Variants in MAGI1 observed in about 807,000 individuals in gnomAD.
MAGI1 encodes the protein membrane-associated guanylate kinase, WW and PDZ domain-containing protein 1.
A neutral mutation model predicts 139.9 loss-of-function variants in MAGI1; 58 were observed. The observed-to-expected ratio is 0.41, with a 90% confidence interval of 0.34 to 0.52. MAGI1 has a LOEUF of 0.52. MAGI1 is among the 20% of genes least tolerant of loss of function. MAGI1 has a pLI of 0.12. For missense variants in MAGI1, 1,874 were observed against 1,901.6 expected (o/e 0.99, Z 0.27); for synonymous variants, 812 against 737.9 (o/e 1.10, Z -1.63).
chr3:65,487,116 C>T (rs892548058), intron 3 of MAGI1, among the ~76,000 whole-genome samples: 4 of 152,280 alleles, frequency 2.6e-5, no homozygotes, highest in Admixed American at 6.5e-5. Flanking sequence ...GGGTGTTCCG[C>T]GTTTTTATTT....
intron 1 of MAGI1, among the ~76,000 whole-genome samples, chr3:65,857,153 A>C (rs951790258): frequency 7.2e-5 from 11 of 152,154 alleles, no homozygotes; most frequent in African/African-American, 2.7e-4. Context: ...TCTTAAGGTC[A>C]GTTGCCAGAG....
chr3:65,828,431 A>G (rs896773177), intron 1 of MAGI1, among the ~76,000 whole-genome samples: 1 of 152,212 alleles, frequency 6.6e-6, no homozygotes, highest in Non-Finnish European at 1.5e-5. Flanking sequence ...TCTCCAGGGT[A>G]GTATATCTCA....
Position 65,661,161 on chromosome 3 carries a change from A to G in MAGI1, c.314-39073T>C, listed in dbSNP as rs1162040627. ...TGCTCACAGGATGGTGTATAACTAG[A>G]TTAATTGTGAGTATATGTCCCCTGG... is the stretch of plus-strand genomic sequence containing the variant. On this transcript the variant is annotated intron_variant, in intron 1 of 22. Transcript: ENST00000402939. Among the ~76,000 whole-genome samples, 30 of 152,144 alleles carry G rather than the reference A, an allele frequency of 2.0e-4. 1 individual carries two copies.
chr3:65,359,002 C>A, intron 22 of MAGI1: 3 of 1,426,016 alleles, frequency 2.1e-6, no homozygotes, highest in Non-Finnish European at 3.0e-6. Context: ...CAGAGCTAAG[C>A]AGAAGCAATG....
At chr3:65,808,793 T>G (rs754860497) in intron 1 of MAGI1, among the ~76,000 whole-genome samples, 1 of 152,168 alleles carries the variant, frequency 6.6e-6, no homozygotes, top group Non-Finnish European at 1.5e-5. Context: ...AGGACCTACA[T>G]GGGTCTCAGC....
intron 1 of MAGI1, among the ~76,000 whole-genome samples, chr3:65,917,653 C>T (rs1300793723): frequency 6.6e-6 from 1 of 152,140 alleles, no homozygotes; most frequent in Non-Finnish European, 1.5e-5. Flanking sequence ...AGGAAACTTA[C>T]AAATGCATAG....
chr3:65,815,574 G>C (rs1373526611), intron 1 of MAGI1, among the ~76,000 whole-genome samples: 1 of 151,990 alleles, frequency 6.6e-6, no homozygotes, highest in African/African-American at 2.4e-5. Context: ...AATCCATGAA[G>C]TCAAATCATA....
At chr3:65,786,462 A>AG (rs1228603379) in intron 1 of MAGI1, among the ~76,000 whole-genome samples, 3 of 151,790 alleles carry the variant, frequency 2.0e-5, no homozygotes, top group East Asian at 3.9e-4. Context: ...ATGCGCCACC[A>AG]CACCCAGCTA....
chr3:65,501,453 CAAAAAAAAA>C (rs35967662), intron 2 of MAGI1, among the ~76,000 whole-genome samples: 1 of 80,648 alleles, frequency 1.2e-5, no homozygotes, highest in African/African-American at 5.3e-5. Context: ...GACTCTGTCT[CAAAAAAAAA>C]AAAAAAAAAA....
At position 65,367,257 on chromosome 3, in the gene MAGI1, CAG is replaced by C. The variant is rs538583594; in HGVS notation, c.3197-2313_3197-2312del. ...ACAGTTCTTGTGTGTTGTTGGTAGC[CAG>C]AGTTTTCTGAGCAGATCAGATTCCA... On this transcript the variant is annotated intron_variant, in intron 18 of 22. Transcript: ENST00000402939. 4.4e-3 allele frequency among the ~76,000 whole-genome samples: 672 copies of C among 152,212 alleles called. 5 individuals carry two copies. Among genetic ancestry groups the C allele is most frequent in the African/African-American group, 0.016 (649 of 41,542 alleles).
rs1940156225 is a variant in MAGI1, at chr3:65,355,441, G to A, written c.*937C>T. On this transcript the variant is annotated 3_prime_UTR_variant, in exon 23 of 23. Transcript: ENST00000402939. Reference sequence around the variant, plus strand: ...ACCATGGGCTTCTACTAAAAGGGAGGGGGGCATGCTTTCCAAATTGGGGAT... The same window carrying A: ...ACCATGGGCTTCTACTAAAAGGGAGAGGGGCATGCTTTCCAAATTGGGGAT... 1 of 152,300 alleles carries A rather than the reference G, an allele frequency of 6.6e-6. No individual in the cohort carries two copies. Among genetic ancestry groups the A allele is most frequent in the South Asian group, 2.1e-4 (1 of 4,836 alleles). The allele number at this position is 152,300 out of a possible 1,614,324, so 9.4% of individuals were successfully genotyped here.
intron 12 of MAGI1, among the ~76,000 whole-genome samples, chr3:65,424,488 G>A (rs181449460): frequency 2.7e-4 from 41 of 152,134 alleles, no homozygotes; most frequent in Admixed American, 1.0e-3. Context: ...ATTATTTAGC[G>A]GCCTGACCAA....
intron 1 of MAGI1, among the ~76,000 whole-genome samples, chr3:65,838,170 G>C (rs1252079906): frequency 6.6e-6 from 1 of 152,070 alleles, no homozygotes; most frequent in Non-Finnish European, 1.5e-5. Context: ...AAATTAGCTG[G>C]GTGTGGTGGC....
chr3:65,381,838 T>C, intron 16 of MAGI1, 39 bp downstream of exon 16: 1 of 1,521,628 alleles, frequency 6.6e-7, no homozygotes, highest in Admixed American at 2.1e-5. Context: ...GTGAATAAAG[T>C]GACAACGCAC....
intron 1 of MAGI1, among the ~76,000 whole-genome samples, chr3:66,032,090 G>C (rs2068632557): frequency 1.3e-5 from 2 of 152,190 alleles, no homozygotes; most frequent in Admixed American, 6.5e-5. Context: ...TCCTAAACAA[G>C]AAGTAAAAGA....
At chr3:65,889,462 A>T (rs2060655558) in intron 1 of MAGI1, among the ~76,000 whole-genome samples, 1 of 152,208 alleles carries the variant, frequency 6.6e-6, no homozygotes, top group Non-Finnish European at 1.5e-5. Flanking sequence ...TCCTCTATTC[A>T]GCTACATCAT....
intron 3 of MAGI1, among the ~76,000 whole-genome samples, chr3:65,490,991 A>G (rs947389114): frequency 6.6e-5 from 10 of 152,204 alleles, no homozygotes; most frequent in Non-Finnish European, 2.9e-5. Flanking sequence ...GAAAATTCCA[A>G]TTCCAAAATA....
intron 18 of MAGI1, among the ~76,000 whole-genome samples, chr3:65,365,978 T>TA (rs1433848185): frequency 6.6e-6 from 1 of 152,218 alleles, no homozygotes; most frequent in Non-Finnish European, 1.5e-5. Context: ...CCAAGGATCT[T>TA]ACTCAGCTTT....
chr3:65,437,036 T>C (rs1045214960), intron 10 of MAGI1, 119 bp downstream of exon 10: 4 of 547,798 alleles, frequency 7.3e-6, no homozygotes, highest in Non-Finnish European at 6.5e-6. Context: ...TCATTATTTA[T>C]GGTTTTCACT....
Sources: gnomAD v4.1 joint callset for allele counts (sites outside exome capture counted in the v4.1 genomes callset) on GRCh38, gnomAD v4.1.1 for gene constraint, MANE v1.5 for transcripts, NCBI Gene and HGNC (gene_info 2026-07-23, HGNC 2026-07-21) for gene names.